The following PARP4 variants were observed in gnomAD, a reference collection of about 807,000 sequenced individuals.
PARP4 encodes the protein protein mono-ADP-ribosyltransferase PARP4.
A neutral mutation model predicts 187.7 loss-of-function variants in PARP4; 120 were observed. The ratio of observed to expected loss-of-function variants is 0.64; its 90% CI spans 0.55 to 0.74. The LOEUF (loss-of-function observed/expected upper bound fraction) is 0.74. Among genes scored for constraint, PARP4 ranks in the 30% least tolerant of loss-of-function variants. PARP4 has a pLI of 0.00. For synonymous variants in PARP4, 654 were observed against 740.9 expected (o/e 0.88, Z 1.90); for missense variants, 1,836 against 2,070.5 (o/e 0.89, Z 2.20).
chr13:24,472,500 A>G (rs1872767637), intron 15 of PARP4, among the ~76,000 whole-genome samples: 1 of 152,228 alleles, frequency 6.6e-6, no homozygotes, highest in African/African-American at 2.4e-5. Flanking sequence ...AGGGATCAGA[A>G]CATCATGGCA....
chr13:24,469,662 T>C (rs908803881), intron 16 of PARP4, among the ~76,000 whole-genome samples: 1 of 152,338 alleles, frequency 6.6e-6, no homozygotes, highest in East Asian at 1.9e-4. Flanking sequence ...GCAAAGAATG[T>C]GCAAGACACT....
chr13:24,498,719 A>G (rs1485388050), intron 5 of PARP4, among the ~76,000 whole-genome samples: 1 of 151,886 alleles, frequency 6.6e-6, no homozygotes, highest in African/African-American at 2.4e-5. Context: ...GTGATGCCAC[A>G]TCAGACACTA....
Position 24,452,521 on chromosome 13 carries a change from G to C in PARP4, c.2899C>G (p.Arg967Gly), listed in dbSNP as rs201826952. The change falls in exon 24 of 34, where the codon CGA (arginine) becomes GGA (glycine). Residue 967 changes from arginine (R) to glycine (G), a missense_variant. Arg to Gly is a moderately radical substitution (Grantham distance 125). Around this residue, in one of 8 missense-constraint regions of PARP4, gnomAD observed 1,147 missense variants for 1,214.2 expected, o/e 0.94. Coordinates refer to ENST00000381989, the MANE Select transcript of PARP4 (RefSeq NM_006437.4). The stretch of plus-strand genomic sequence containing the variant: ...ACCAGGAGGATGTTCCGTGACCCTC[G>C]AGCAGGGTACAATAAGCTAAGATAT... ...LRYLSLLYPARGSRNILLVSD... is the reference protein window; with the variant it reads ...LRYLSLLYPAGGSRNILLVSD... 4 of 1,613,902 alleles carry C rather than the reference G, an allele frequency of 2.5e-6. No individual in the cohort carries two copies. Among genetic ancestry groups the C allele is most frequent in the East Asian group, 4.5e-5 (2 of 44,874 alleles).
At chr13:24,503,841 T>C (rs1295690026) in intron 1 of PARP4, 64 bp from the exon 2 acceptor site, 2 of 1,419,848 alleles carry the variant, frequency 1.4e-6, no homozygotes, top group Non-Finnish European at 2.0e-6. Context: ...TTTAGAATTA[T>C]TATACAAGCA....
intron 17 of PARP4, 110 bp from the exon 18 acceptor site, chr13:24,460,246 C>A: frequency 2.3e-6 from 2 of 880,062 alleles, no homozygotes; most frequent in Non-Finnish European, 3.5e-6. Context: ...CCAAATTCTT[C>A]CTCAGAAAAC....
At chr13:24,425,025 G>A (rs958094289) in intron 33 of PARP4, among the ~76,000 whole-genome samples, 1 of 151,954 alleles carries the variant, frequency 6.6e-6, no homozygotes, top group African/African-American at 2.4e-5. Context: ...TCCCAGGATG[G>A]GCACAGTGGT....
rs753890910 is a variant in PARP4, at chr13:24,490,785, T to C, written c.1097A>G (p.Lys366Arg). 6.2e-7 allele frequency: 1 copy of C among 1,614,170 alleles called. No homozygotes were observed. The highest frequency in any genetic ancestry group is 8.5e-7 in the Non-Finnish European group (1 of 1,179,996). ...MVNVCETNLSKPNPPSLAKYR... is the reference protein window; with the variant it reads ...MVNVCETNLSRPNPPSLAKYR... Reference sequence around the variant, plus strand: ...TTTGGCCAGGGATGGTGGGTTGGGTTTGGACAAATTAGTTTCACAGACATT... The same window carrying C: ...TTTGGCCAGGGATGGTGGGTTGGGTCTGGACAAATTAGTTTCACAGACATT... Residue 366 changes from lysine (K) to arginine (R), a missense_variant, in exon 10 of 34, where the codon AAA (lysine) becomes AGA (arginine). Transcript: ENST00000381989.
At chr13:24,425,553 G>A (rs796313497) in intron 33 of PARP4, among the ~76,000 whole-genome samples, 13,389 of 83,632 alleles carry the variant, frequency 0.16, 1,632 homozygotes, top group African/African-American at 0.35. Context: ...ATGTGTGTGT[G>A]TGTGTGTGTG....
In PARP4 at chr13:24,455,167, C is replaced by A. The variant is rs1047955485; in HGVS notation, c.2608G>T (p.Asp870Tyr). ...ATCACTTCGCTCTCACTGGCTAGGT[C>A]AGGGAGGTCGACATCGAGATCGGGT... is the stretch of plus-strand genomic sequence containing the variant. Reference protein sequence around the residue: ...FQPDLDVDLPDLASESEVIIC... With the variant: ...FQPDLDVDLPYLASESEVIIC... Residue 870 changes from aspartate (D) to tyrosine (Y), a missense_variant, in exon 22 of 34, where the codon GAC becomes TAC. Coordinates refer to ENST00000381989, the MANE Select transcript of PARP4 (RefSeq NM_006437.4). 6.2e-7 allele frequency: 1 copy of A among 1,603,136 alleles called. No individual in the cohort carries two copies. The highest frequency in any genetic ancestry group is 1.1e-5 in the South Asian group (1 of 90,548).
rs1401072141 is a variant in PARP4, at chr13:24,492,487, A to G, written c.987T>C (p.Pro329=). 1 of 1,613,992 alleles carries G rather than the reference A, an allele frequency of 6.2e-7. No individual in the cohort carries two copies. The highest frequency in any genetic ancestry group is 1.7e-5 in the Admixed American group (1 of 60,014). The part of the protein sequence containing the change: ...KMMTEFYRLI[P]HKGTMPKEVN... Reference sequence around the variant, plus strand: ...CTTCTTTGGGCATTGTGCCTTTGTGAGGTATCAGTCTGTAAAACTCTGTCA... The same window carrying G: ...CTTCTTTGGGCATTGTGCCTTTGTGGGGTATCAGTCTGTAAAACTCTGTCA... The change falls in exon 9 of 34, where the codon CCT becomes CCC. Residue 329 remains proline, a synonymous_variant. Coordinates refer to ENST00000381989, the MANE Select transcript of PARP4 (RefSeq NM_006437.4).
chr13:24,503,603 G>A lies in PARP4; in HGVS notation c.132+42C>T, dbSNP rs138319355. On this transcript the variant is annotated intron_variant, in intron 2 of 33. Transcript: ENST00000381989. ...AACCATGACCCTGTTCCCTGAATGC[G>A]CAATGTTTTATCACACTGTAGTTTA... 1,460 of 1,605,350 alleles carry A rather than the reference G, an allele frequency of 9.1e-4. 3 individuals are homozygous for A. Among genetic ancestry groups the A allele is most frequent in the African/African-American group, 6.4e-3 (478 of 74,764 alleles).
rs766691687 is a variant in PARP4, at chr13:24,435,183, C to T, written c.3958G>A (p.Ala1320Thr). The change falls in exon 31 of 34, where the codon GCT becomes ACT. Residue 1320 changes from alanine to threonine, a missense_variant. Transcript: ENST00000381989. ...GGAAGATAGGAACCAACGGCCGGAG[C>T]CAAAATAGGAAAAAAGCTAGAAGTA... is the stretch of plus-strand genomic sequence containing the variant. ...TSTSSFFPIL[A>T]PAVGSYLPPT... is the part of the protein sequence containing the mutation. 1 of 1,614,022 alleles carries T rather than the reference C, an allele frequency of 6.2e-7. No individual in the cohort carries two copies. Among genetic ancestry groups the T allele is most frequent in the Non-Finnish European group, 8.5e-7 (1 of 1,179,988 alleles).
chr13:24,488,672 A>T (rs1018118594), intron 10 of PARP4, among the ~76,000 whole-genome samples: 1 of 152,170 alleles, frequency 6.6e-6, no homozygotes, highest in Non-Finnish European at 1.5e-5. Flanking sequence ...TTAAAAATTA[A>T]AGTGAAATTC....
rs369401815 is a variant in PARP4 at position 24,422,711 on chromosome 13, T to C, written c.4980-1397A>G. On this transcript the variant is annotated intron_variant, in intron 33 of 33. Transcript: ENST00000381989. ...GCAACCTCTGACTCCTTGGTTCAAG[T>C]GATTCTCCTGCCTCAGCCTCCTGTG... Among the ~76,000 whole-genome samples, 176 of 152,188 alleles carry C rather than the reference T, an allele frequency of 1.2e-3. 3 individuals carry two copies. The East Asian group carries it at 0.018, about 16-fold the overall frequency.
At chr13:24,484,810 A>G (rs1339715358) in intron 11 of PARP4, 62 bp from the exon 12 acceptor site, 1 of 1,171,824 alleles carries the variant, frequency 8.5e-7, no homozygotes, top group Non-Finnish European at 1.3e-6. Flanking sequence ...TTCCTTGCTC[A>G]GAATTTTGGC....
intron 32 of PARP4, 117 bp downstream of exon 32, chr13:24,431,260 T>C: frequency 3.2e-6 from 2 of 616,416 alleles, no homozygotes; most frequent in Non-Finnish European, 5.6e-6. Flanking sequence ...CATTCGAATA[T>C]AACTTTCATA....
At chr13:24,491,296 A>G (rs1466354783) in intron 9 of PARP4, among the ~76,000 whole-genome samples, 1 of 151,962 alleles carries the variant, frequency 6.6e-6, no homozygotes, top group East Asian at 1.9e-4. Context: ...AACTTCTTGT[A>G]TTTTTAATAG....
chr13:24,435,381 G>T lies in PARP4; in HGVS notation c.3760C>A (p.Gln1254Lys). 1 of 1,612,290 alleles carries T rather than the reference G, an allele frequency of 6.2e-7. No individual in the cohort carries two copies. The highest frequency in any genetic ancestry group is 8.5e-7 in the Non-Finnish European group (1 of 1,179,826). The change falls in exon 31 of 34, where the codon CAG (glutamine) becomes AAG (lysine). Residue 1254 changes from glutamine (Q) to lysine (K), a missense_variant. Gln to Lys is a moderately conservative substitution (Grantham distance 53). Coordinates refer to ENST00000381989, the MANE Select transcript of PARP4 (RefSeq NM_006437.4). ...TCAAAATCTTCAGAAACTTCTGGCT[G>T]AGATAATTCCATTTTTCTTTTGGAA... Reference protein sequence around the residue: ...PFSKRKMELSQPEVSEDFEED... With the variant: ...PFSKRKMELSKPEVSEDFEED...
intron 27 of PARP4, 75 bp from the exon 28 acceptor site, chr13:24,443,805 A>C (rs768458096): frequency 2.1e-4 from 216 of 1,013,828 alleles, no homozygotes; most frequent in Non-Finnish European, 3.0e-4. Flanking sequence ...CATCATTTTA[A>C]AAATGGAGGT....
Sources: allele counts gnomAD v4.1 joint callset (sites outside exome capture counted in the v4.1 genomes callset), GRCh38; gene constraint gnomAD v4.1.1; regional missense constraint gnomAD v4.1.1; transcripts MANE v1.5; gene names NCBI Gene and HGNC (gene_info 2026-07-23, HGNC 2026-07-21).